The following CADM4 variants were observed in gnomAD, a reference collection of about 807,000 sequenced individuals.
CADM4 encodes cell adhesion molecule 4.
In CADM4, 13 loss-of-function variants were observed where a neutral mutation model predicts 43.9. The ratio of observed to expected loss-of-function variants is 0.30; its 90% confidence interval spans 0.19 to 0.47. CADM4 has a LOEUF of 0.47. CADM4 is among the 20% of genes least tolerant of loss of function. CADM4 has a pLI of 1.00. For missense variants in CADM4, 420 were observed against 527.0 expected (o/e 0.80, Z 1.99); for synonymous variants, 209 against 220.9 (o/e 0.95, Z 0.48).
rs1485703066 is a variant in CADM4 at position 43,626,270 on chromosome 19, T to A, written c.518A>T (p.Glu173Val). 4 of 1,611,886 alleles carry A rather than the reference T, an allele frequency of 2.5e-6. No individual in the cohort carries two copies. The Admixed American group carries it at 6.7e-5, about 27-fold the overall frequency. The change falls in exon 5 of 9, where the codon GAA becomes GTA. Residue 173 changes from glutamate to valine, a missense_variant. Coordinates refer to ENST00000222374, the MANE Select transcript of CADM4 (RefSeq NM_145296.2). This position sits in a 1 kb window ranked among gnomAD's most constrained non-coding sequence, Gnocchi z 5.9. ...TGCCACGCTCCAGACCTTGCCATTT[T>A]CCTGGCTGCTGCTCACTCCTGCCAC... Reference protein sequence around the residue: ...KELKGVSSSQENGKVWSVAST... With the variant: ...KELKGVSSSQVNGKVWSVAST...
chr19:43,639,862 C>CCCCCGCG (rs1326456630), upstream of CADM4: 8 of 974,790 alleles, frequency 8.2e-6, no homozygotes, highest in African/African-American at 5.3e-5. Context: ...CCCGCCCCGC[C>CCCCCGCG]CCCCGCGCCC....
rs1019670428 is a variant in CADM4 at position 43,627,963 on chromosome 19, C to A, written c.65-173G>T. 3.3e-5 allele frequency among the ~76,000 whole-genome samples: 5 copies of A among 152,152 alleles called. No individual in the cohort carries two copies. The highest frequency in any genetic ancestry group is 2.0e-4 in the Admixed American group (3 of 15,264). The stretch of plus-strand genomic sequence containing the variant: ...GTCCAGGACAGGGAGGAAATCTGCT[C>A]CCTACTCTAAAAGAGCTGCAGTCAA... On this transcript the variant is annotated intron_variant, in intron 1 of 8. Transcript: ENST00000222374. This position sits in a 1 kb window ranked among gnomAD's most constrained non-coding sequence, Gnocchi z 4.0.
At chr19:43,635,328 C>A (rs1973686270) in intron 1 of CADM4, among the ~76,000 whole-genome samples, 1 of 151,946 alleles carries the variant, frequency 6.6e-6, no homozygotes, top group Non-Finnish European at 1.5e-5. Flanking sequence ...CCCCCTCAGC[C>A]CCCCATCAAT....
chr19:43,623,339 G>T lies in CADM4; in HGVS notation c.1158C>A (p.Phe386Leu), dbSNP rs1339804405. 1 of 1,613,636 alleles carries T rather than the reference G, an allele frequency of 6.2e-7. No individual in the cohort carries two copies. The highest frequency in any genetic ancestry group is 8.5e-7 in the Non-Finnish European group (1 of 1,179,786). The change falls in exon 9 of 9, where the codon TTC (phenylalanine) becomes TTA (leucine). Residue 386 changes from phenylalanine (F) to leucine (L), a missense_variant. By Grantham distance (22) the Phe-to-Leu change is conservative. Transcript: ENST00000222374. The surrounding 1 kb of genome is among the most constrained non-coding windows in gnomAD (Gnocchi z 4.4). ...TGGGGTGGGGATAGGGTCAGATGAAGAATTCCTCTTTCCTCTTGTGTCCGT... is the reference window on the plus strand; with the variant it reads ...TGGGGTGGGGATAGGGTCAGATGAATAATTCCTCTTTCCTCTTGTGTCCGT... The part of the protein sequence containing the change: ...GSDGHKRKEE[F>L]FI
intron 1 of CADM4, among the ~76,000 whole-genome samples, chr19:43,635,378 C>T (rs1309332726): frequency 6.6e-6 from 1 of 151,972 alleles, no homozygotes; most frequent in African/African-American, 2.4e-5. Context: ...GTCAATTCTT[C>T]CCCAGCTCAG....
Position 43,625,044 on chromosome 19 carries a change from C to A in CADM4, c.928+34G>T. 1 of 1,437,994 alleles carries A rather than the reference C, an allele frequency of 7.0e-7. No homozygotes were observed. The highest frequency in any genetic ancestry group is 9.2e-7 in the Non-Finnish European group (1 of 1,090,136). The allele number at this position is 1,437,994 out of a possible 1,614,324, so 89.1% of individuals were successfully genotyped here. ...CCCGCCCCCGCCACCTGGCGCCCCG[C>A]CCCCGCCCTCAGTCGGCCGCAGCCT... On this transcript the variant is annotated intron_variant, in intron 7 of 8. Coordinates refer to ENST00000222374, the MANE Select transcript of CADM4 (RefSeq NM_145296.2). This position sits in a 1 kb window ranked among gnomAD's most constrained non-coding sequence, Gnocchi z 4.5.
At chr19:43,631,003 T>C (rs1197674915) in intron 1 of CADM4, among the ~76,000 whole-genome samples, 4 of 152,168 alleles carry the variant, frequency 2.6e-5, no homozygotes, top group African/African-American at 9.7e-5. Context: ...ATGAGGTCCC[T>C]GCCCTTTAAG....
chr19:43,627,243 A>G lies in CADM4; in HGVS notation c.287T>C (p.Leu96Pro). The G allele has an allele frequency of 6.2e-7, 1 of 1,612,724 alleles. No homozygotes were observed. The change falls in exon 3 of 9, where the codon CTG becomes CCG. Residue 96 changes from leucine (L) to proline (P), a missense_variant. Leu to Pro is a moderately conservative substitution (Grantham distance 98). Transcript: ENST00000222374. This position sits in a 1 kb window ranked among gnomAD's most constrained non-coding sequence, Gnocchi z 4.0. ...GCAGAAATAGCCCCCCTCGTCCTCC[A>G]GGCGGGCATCTGAGAGCCGGATCCG... ...RVRIRLSDAR[L>P]EDEGGYFCQL...
At chr19:43,632,585 C>T (rs1365144904) in intron 1 of CADM4, among the ~76,000 whole-genome samples, 9 of 152,096 alleles carry the variant, frequency 5.9e-5, no homozygotes, top group Admixed American at 5.9e-4. Context: ...TGCTGTCCCT[C>T]AAACATGCTG....
chr19:43,639,794 G>A lies in CADM4; in HGVS notation c.-4C>T, dbSNP rs1973750920. 2 of 971,096 alleles carry A rather than the reference G, an allele frequency of 2.1e-6. No homozygotes were observed. Among genetic ancestry groups the A allele is most frequent in the Non-Finnish European group, 1.2e-6 (1 of 822,046 alleles). 60.2% of individuals were successfully genotyped at this position (971,096 alleles called of 1,614,324 possible). ...GGAAGCGCCGGGCCCGGCCCATGGT[G>A]CCGCCGCCGCCGCCGCCGCCGCTCG... On this transcript the variant is annotated 5_prime_UTR_variant, in exon 1 of 9. Transcript: ENST00000222374.
chr19:43,630,276 CTTTT>C (rs1270529890), intron 1 of CADM4, among the ~76,000 whole-genome samples: 1 of 98,858 alleles, frequency 1.0e-5, no homozygotes, highest in Non-Finnish European at 2.0e-5. Flanking sequence ...TTCCATTTTT[CTTTT>C]CTTTTTTTTT....
chr19:43,630,397 T>A (rs1183273095), intron 1 of CADM4, among the ~76,000 whole-genome samples: 1 of 147,196 alleles, frequency 6.8e-6, no homozygotes, highest in East Asian at 2.1e-4. Flanking sequence ...GCAATTCTCC[T>A]GCCTCAGCCT....
intron 7 of CADM4, 86 bp from the exon 8 acceptor site, chr19:43,624,328 G>A: frequency 6.4e-7 from 1 of 1,567,336 alleles, no homozygotes. Flanking sequence ...AAGCCATTCT[G>A]CACACGTCTA....
chr19:43,639,922 G>A, upstream of CADM4: 1 of 666,268 alleles, frequency 1.5e-6, no homozygotes, highest in Non-Finnish European at 1.8e-6. Context: ...GCGGGGCCGG[G>A]GAGGGGAGGG....
intron 1 of CADM4, among the ~76,000 whole-genome samples, chr19:43,628,192 G>A (rs903453694): frequency 6.6e-6 from 1 of 151,710 alleles, no homozygotes; most frequent in East Asian, 1.9e-4. Flanking sequence ...TTGAGAGGCC[G>A]AGGTGGGCGG....
At position 43,625,034 on chromosome 19, in the gene CADM4, T is replaced by G; in HGVS notation, c.928+44A>C. The G allele has an allele frequency of 1.3e-3, 399 of 311,080 alleles. No homozygotes were observed. Among genetic ancestry groups the G allele is most frequent in the Non-Finnish European group, 1.6e-3 (353 of 225,920 alleles). The allele number at this position is 311,080 out of a possible 1,614,324, so 19.3% of individuals were successfully genotyped here. ...TTGCTCAAGCCCCGCCCCCGCCACC[T>G]GGCGCCCCGCCCCCGCCCTCAGTCG... is the stretch of plus-strand genomic sequence containing the variant. On this transcript the variant is annotated intron_variant, in intron 7 of 8. Transcript: ENST00000222374. This position sits in a 1 kb window ranked among gnomAD's most constrained non-coding sequence, Gnocchi z 4.5.
Position 43,625,918 on chromosome 19 carries a change from TC to T in CADM4, c.747del (p.Asn250ThrfsTer66), listed in dbSNP as rs1973517727. ...DTLVLTCAVT[G>X]NPRPNQIRWN... Reference sequence around the variant, plus strand: ...GAGGCCCCCAGAGCTCACCTGGGGTTCCCCGTGACAGCACACGTCAACACCA... The same window carrying T: ...GAGGCCCCCAGAGCTCACCTGGGGTTCCCGTGACAGCACACGTCAACACCA... On this transcript the variant is annotated frameshift_variant, in exon 6 of 9. Coordinates refer to ENST00000222374, the MANE Select transcript of CADM4 (RefSeq NM_145296.2). LOFTEE classifies it high-confidence loss of function. The surrounding 1 kb of genome is among the most constrained non-coding windows in gnomAD (Gnocchi z 4.5). 6.2e-7 allele frequency: 1 copy of T among 1,614,020 alleles called. No homozygotes were observed.
chr19:43,632,529 G>C (rs1490067932), intron 1 of CADM4, among the ~76,000 whole-genome samples: 1 of 152,110 alleles, frequency 6.6e-6, no homozygotes, highest in Non-Finnish European at 1.5e-5. Flanking sequence ...GGTGCTATAT[G>C]GCCTGGCCCC....
chr19:43,629,555 G>A (rs1358822563), intron 1 of CADM4, among the ~76,000 whole-genome samples: 1 of 152,096 alleles, frequency 6.6e-6, no homozygotes, highest in Non-Finnish European at 1.5e-5. Flanking sequence ...TGTGCTAAGG[G>A]CATTACCCAT....
Sources: gnomAD v4.1 joint callset for allele counts (sites outside exome capture counted in the v4.1 genomes callset) on GRCh38, gnomAD v4.1.1 for gene constraint, Gnocchi (gnomAD v3.1) non-coding constraint, MANE v1.5 for transcripts, NCBI Gene and HGNC (gene_info 2026-07-23, HGNC 2026-07-21) for gene names.